The following CDK1 variants were observed in gnomAD, a reference collection of about 807,000 sequenced individuals.
The protein encoded by CDK1 is cyclin-dependent kinase 1.
In CDK1, 5 loss-of-function variants were observed where a neutral mutation model predicts 34.6. The ratio of observed to expected loss-of-function variants is 0.14; its 90% confidence interval spans 0.08 to 0.30. CDK1 has a LOEUF of 0.30. Ranked by LOEUF, CDK1 falls within the 10% of genes least tolerant of loss-of-function variation. The probability of loss-of-function intolerance (pLI) is 1.00; values close to 1 mark genes in which losing one functional copy is unlikely to be tolerated. For missense variants in CDK1, 157 were observed against 345.7 expected (o/e 0.45, Z 4.33); for synonymous variants, 108 against 114.7 (o/e 0.94, Z 0.37).
intron 2 of CDK1, among the ~76,000 whole-genome samples, chr10:60,783,320 A>G (rs188471771): frequency 6.6e-6 from 1 of 152,348 alleles, no homozygotes; most frequent in Non-Finnish European, 1.5e-5. Flanking sequence ...GTCAGTTTAT[A>G]GTTTTAAAAT....
At position 60,794,852 on chromosome 10, in the gene CDK1, A is replaced by G. The variant is rs2080387629; in HGVS notation, c.*877A>G. The G allele has an allele frequency of 6.6e-6, 1 of 152,198 alleles. No individual in the cohort carries two copies. The highest frequency in any genetic ancestry group is 2.4e-5 in the African/African-American group (1 of 41,468). The allele number at this position is 152,198 out of a possible 1,614,324, so 9.4% of individuals were successfully genotyped here. A position where few individuals can be genotyped will look rare whatever the true frequency, so the allele number is the denominator to read the frequency against. On this transcript the variant is annotated 3_prime_UTR_variant, in exon 8 of 8. Coordinates refer to ENST00000395284, the MANE Select transcript of CDK1 (RefSeq NM_001786.5). ...TGGGAATTAAACTGTTTAACAAATAATGCTGCTCATTGTGATTCTTACCTA... is the reference window on the plus strand; with the variant it reads ...TGGGAATTAAACTGTTTAACAAATAGTGCTGCTCATTGTGATTCTTACCTA...
intron 2 of CDK1, among the ~76,000 whole-genome samples, chr10:60,780,992 G>T (rs1006812796): frequency 6.6e-6 from 1 of 152,064 alleles, no homozygotes; most frequent in African/African-American, 2.4e-5. Flanking sequence ...GAATTTAGTG[G>T]AATAGGAGTG....
Position 60,794,112 on chromosome 10 carries a change from A to G in CDK1, c.*137A>G. On this transcript the variant is annotated 3_prime_UTR_variant, in exon 8 of 8. Transcript: ENST00000395284. ...TACTTCGTCTTCTAATTTCAAAAAT[A>G]TAACTTAAAAATGTAAATATTCTAT... The G allele has an allele frequency of 8.1e-6, 4 of 493,766 alleles. No individual in the cohort carries two copies. The South Asian group carries it at 1.5e-4, about 19-fold the overall frequency. 30.6% of individuals were successfully genotyped at this position (493,766 alleles called of 1,614,324 possible).
At chr10:60,786,255 ACT>A in intron 4 of CDK1, 1 of 972,808 alleles carries the variant, frequency 1.0e-6, no homozygotes, top group Non-Finnish European at 1.2e-6. Flanking sequence ...CTACCAAACC[ACT>A]CTGCAGAGGT....
rs1047877648 is a variant in CDK1, at chr10:60,785,006, C to T, written c.194+145C>T. 11 of 667,114 alleles carry T rather than the reference C, an allele frequency of 1.6e-5. No individual in the cohort carries two copies. The Admixed American group carries it at 2.7e-4, about 16-fold the overall frequency. 41.3% of individuals were successfully genotyped at this position (667,114 alleles called of 1,614,324 possible). On this transcript the variant is annotated intron_variant, in intron 3 of 7. Coordinates refer to ENST00000395284, the MANE Select transcript of CDK1 (RefSeq NM_001786.5). Reference sequence around the variant, plus strand: ...CCCTATTTTTGGTAGTTGAGAATGCCGCACATATGTAAAAGAGAACAGGCT... The same window carrying T: ...CCCTATTTTTGGTAGTTGAGAATGCTGCACATATGTAAAAGAGAACAGGCT...
At chr10:60,780,289 A>T (rs575677463) in intron 2 of CDK1, 87 bp downstream of exon 2, 12 of 774,764 alleles carry the variant, frequency 1.5e-5, no homozygotes, top group Non-Finnish European at 2.7e-5. Context: ...ATATTTATTA[A>T]AATTCAACCA....
At chr10:60,782,567 A>G (rs2080282096) in intron 2 of CDK1, among the ~76,000 whole-genome samples, 1 of 152,142 alleles carries the variant, frequency 6.6e-6, no homozygotes, top group African/African-American at 2.4e-5. Context: ...TTTGATAAAT[A>G]CTTGCTTAAT....
At chr10:60,790,796 G>A (rs2080354607) in intron 5 of CDK1, among the ~76,000 whole-genome samples, 1 of 152,106 alleles carries the variant, frequency 6.6e-6, no homozygotes, top group African/African-American at 2.4e-5. Context: ...CTTTTCCCTA[G>A]TGAATGTTCT....
At chr10:60,790,223 T>C (rs1477162038) in intron 5 of CDK1, among the ~76,000 whole-genome samples, 1 of 152,160 alleles carries the variant, frequency 6.6e-6, no homozygotes, top group Non-Finnish European at 1.5e-5. Flanking sequence ...CAGAAGCTTT[T>C]TAGTTCGATA....
chr10:60,784,546 C>T (rs2080299379), intron 2 of CDK1, among the ~76,000 whole-genome samples, 159 bp from the exon 3 acceptor site: 1 of 152,002 alleles, frequency 6.6e-6, no homozygotes, highest in Non-Finnish European at 1.5e-5. Context: ...GGGAGGATCC[C>T]CTGAGCCCAG....
intron 4 of CDK1, 107 bp downstream of exon 4, chr10:60,785,894 A>G: frequency 7.4e-7 from 1 of 1,348,294 alleles, no homozygotes; most frequent in Non-Finnish European, 9.6e-7. Flanking sequence ...AAGTGTTAGA[A>G]TAAGAAAAAG....
chr10:60,787,437 A>G (rs2080325952), intron 4 of CDK1, among the ~76,000 whole-genome samples: 1 of 152,038 alleles, frequency 6.6e-6, no homozygotes, highest in South Asian at 2.1e-4. Context: ...TCCCTCTAAG[A>G]TGGAGCATCT....
In CDK1 at chr10:60,784,684, ATAT is replaced by A. The variant is rs758438966; in HGVS notation, c.38-16_38-14del. 3 of 1,593,306 alleles carry A rather than the reference ATAT, an allele frequency of 1.9e-6. No individual in the cohort carries two copies. The highest frequency in any genetic ancestry group is 3.3e-4 in the Middle Eastern group (2 of 6,002). On this transcript the variant is annotated intron_variant, in intron 2 of 7. Coordinates refer to ENST00000395284, the MANE Select transcript of CDK1 (RefSeq NM_001786.5). ...TAGTTTGTGGGGTGTGTCACACAGC[ATAT>A]TATTTACTTTGTTTCAGGTACCTAT...
chr10:60,793,455 G>A (rs2080375419), intron 7 of CDK1, among the ~76,000 whole-genome samples: 1 of 151,988 alleles, frequency 6.6e-6, no homozygotes, highest in Non-Finnish European at 1.5e-5. Flanking sequence ...GCTATGGGGG[G>A]TTTTGGAACT....
rs1364653277 is a variant in CDK1, at chr10:60,794,640, T to G, written c.*665T>G. The stretch of plus-strand genomic sequence containing the variant: ...CAGTTTTGAAAATTTATGAACTATC[T>G]TATTTTTAGGTAGGTTTTGAAAGCT... On this transcript the variant is annotated 3_prime_UTR_variant, in exon 8 of 8. Coordinates refer to ENST00000395284, the MANE Select transcript of CDK1 (RefSeq NM_001786.5). 1 of 152,152 alleles carries G rather than the reference T, an allele frequency of 6.6e-6. No homozygotes were observed. The highest frequency in any genetic ancestry group is 1.5e-5 in the Non-Finnish European group (1 of 67,988). 9.4% of individuals were successfully genotyped at this position (152,152 alleles called of 1,614,324 possible).
chr10:60,783,158 A>C (rs1363114087), intron 2 of CDK1, among the ~76,000 whole-genome samples: 1 of 152,180 alleles, frequency 6.6e-6, no homozygotes, highest in Non-Finnish European at 1.5e-5. Context: ...ATCCAAAAAA[A>C]TGTAGATTTT....
intron 5 of CDK1, among the ~76,000 whole-genome samples, chr10:60,788,870 C>T (rs927461918): frequency 1.3e-5 from 2 of 152,084 alleles, no homozygotes; most frequent in Non-Finnish European, 2.9e-5. Flanking sequence ...AGTAACAGTG[C>T]TCATCTGATT....
At chr10:60,782,463 C>G (rs2080281098) in intron 2 of CDK1, among the ~76,000 whole-genome samples, 2 of 152,102 alleles carry the variant, frequency 1.3e-5, no homozygotes, top group Admixed American at 1.3e-4. Flanking sequence ...TGATACTAAT[C>G]TTTGAAATCC....
intron 4 of CDK1, chr10:60,786,094 A>G: frequency 9.8e-7 from 1 of 1,019,118 alleles, no homozygotes; most frequent in African/African-American, 1.7e-5. Context: ...ATGAAAGCCT[A>G]GGGCAGAGTG....
Sources: gnomAD v4.1 joint callset for allele counts (sites outside exome capture counted in the v4.1 genomes callset) on GRCh38, gnomAD v4.1.1 for gene constraint, MANE v1.5 for transcripts, NCBI Gene and HGNC (gene_info 2026-07-23, HGNC 2026-07-21) for gene names.